The following SH3RF3 variants were observed in gnomAD, a reference collection of about 807,000 sequenced individuals.
The protein encoded by SH3RF3 is SH3 domain containing ring finger 3.
SH3RF3 carries 29 observed loss-of-function variants against 66.3 expected under a neutral mutation model. The ratio of observed to expected loss-of-function variants is 0.44; its 90% CI spans 0.33 to 0.60. SH3RF3 has a LOEUF of 0.60. Ranked by LOEUF, SH3RF3 falls within the 20% of genes least tolerant of loss-of-function variation. SH3RF3 has a pLI of 0.04. For missense variants in SH3RF3, 1,194 were observed against 1,190.9 expected, an observed-to-expected ratio of 1.00 and a Z score of -0.04; for synonymous variants, 583 against 532.0, an observed-to-expected ratio of 1.10 and a Z score of -1.32.
At chr2:109,221,345 G>T (rs148615931) in intron 1 of SH3RF3, among the ~76,000 whole-genome samples, 2 of 152,122 alleles carry the variant, frequency 1.3e-5, no homozygotes, top group Admixed American at 6.6e-5. Flanking sequence ...CATTTTGGGA[G>T]GCTGAGACAG....
At chr2:109,407,597 C>G (rs986208317) in intron 4 of SH3RF3, among the ~76,000 whole-genome samples, 1 of 152,218 alleles carries the variant, frequency 6.6e-6, no homozygotes, top group Non-Finnish European at 1.5e-5. Flanking sequence ...GTGCAAACTC[C>G]GGCTCCAGCT....
At chr2:109,375,928 C>A (rs1205656203) in intron 3 of SH3RF3, among the ~76,000 whole-genome samples, 1 of 152,248 alleles carries the variant, frequency 6.6e-6, no homozygotes, top group Non-Finnish European at 1.5e-5. Context: ...TCCTACATCA[C>A]CTGCACATTG....
At chr2:109,242,593 A>G (rs1032878949) in intron 1 of SH3RF3, among the ~76,000 whole-genome samples, 10 of 152,108 alleles carry the variant, frequency 6.6e-5, no homozygotes, top group African/African-American at 2.4e-4. Flanking sequence ...GCCTAGCCCA[A>G]AGAGACCTCC....
chr2:109,372,094 G>T (rs931006135), intron 3 of SH3RF3, among the ~76,000 whole-genome samples: 4 of 152,252 alleles, frequency 2.6e-5, no homozygotes, highest in Non-Finnish European at 4.4e-5. Flanking sequence ...ACTGCACACG[G>T]ATTGGAAGGA....
At chr2:109,304,405 A>C (rs1681544574) in intron 1 of SH3RF3, among the ~76,000 whole-genome samples, 1 of 152,126 alleles carries the variant, frequency 6.6e-6, no homozygotes, top group Non-Finnish European at 1.5e-5. Flanking sequence ...CCATGTTGTC[A>C]CAAATGACAA....
Position 109,265,756 on chromosome 2 carries a change from AT to A in SH3RF3, c.574-81915del, listed in dbSNP as rs1680474731. 2.0e-5 allele frequency among the ~76,000 whole-genome samples: 3 copies of A among 152,234 alleles called. 1 individual carries two copies. In the South Asian group the frequency reaches 6.2e-4, roughly 31 times the overall value. On this transcript the variant is annotated intron_variant, in intron 1 of 9. Transcript: ENST00000309415. ...GGTTTTTATCAATAAAAAATGTTTA[AT>A]TTAAAAAAAGAGATTGGCACATAAA...
intron 1 of SH3RF3, among the ~76,000 whole-genome samples, chr2:109,169,883 TGGCACCTG>T (rs1553479336): frequency 6.6e-6 from 1 of 152,150 alleles, no homozygotes; most frequent in Non-Finnish European, 1.5e-5. Context: ...TCCCTCCCAC[TGGCACCTG>T]GCATGCATGG....
chr2:109,490,613 G>A lies in SH3RF3; in HGVS notation c.2157G>A (p.Lys719=), dbSNP rs1313312552. The A allele has an allele frequency of 1.4e-6, 2 of 1,447,086 alleles. No individual in the cohort carries two copies. The highest frequency in any genetic ancestry group is 1.8e-6 in the Non-Finnish European group (2 of 1,098,004). 89.6% of individuals were successfully genotyped at this position (1,447,086 alleles called of 1,614,324 possible). Residue 719 remains lysine (K), a synonymous_variant, in exon 9 of 10, where the codon AAG becomes AAA. Coordinates refer to ENST00000309415, the MANE Select transcript of SH3RF3 (RefSeq NM_001099289.3). ...LDEKKSEKKE[K]KSGLLKLLAG... ...CTTGTGTGTCTCCCCAGAAAGAGAAGAAGAGTGGGCTCCTGAAGCTTCTAG... is the reference window on the plus strand; with the variant it reads ...CTTGTGTGTCTCCCCAGAAAGAGAAAAAGAGTGGGCTCCTGAAGCTTCTAG...
intron 4 of SH3RF3, among the ~76,000 whole-genome samples, chr2:109,414,717 A>G: frequency 6.6e-6 from 1 of 152,114 alleles, no homozygotes; most frequent in East Asian, 1.9e-4. Context: ...CTCCAGGCAC[A>G]CCAAACACTG....
At chr2:109,177,665 C>T (rs1486217175) in intron 1 of SH3RF3, among the ~76,000 whole-genome samples, 1 of 152,160 alleles carries the variant, frequency 6.6e-6, no homozygotes, top group African/African-American at 2.4e-5. Context: ...CTAGACCACA[C>T]AGAGATCCTG....
chr2:109,306,057 A>G (rs1389452711), intron 1 of SH3RF3, among the ~76,000 whole-genome samples: 1 of 152,212 alleles, frequency 6.6e-6, no homozygotes, highest in Non-Finnish European at 1.5e-5. Flanking sequence ...TCTTACTGGC[A>G]GCGACAGTGG....
chr2:109,471,907 G>T (rs2104727976), intron 8 of SH3RF3, among the ~76,000 whole-genome samples: 1 of 152,320 alleles, frequency 6.6e-6, no homozygotes, highest in Admixed American at 6.5e-5. Flanking sequence ...TCTCTAGAAG[G>T]CAGGGGCTGT....
At chr2:109,400,837 C>T (rs1024255191) in intron 4 of SH3RF3, among the ~76,000 whole-genome samples, 1 of 152,240 alleles carries the variant, frequency 6.6e-6, no homozygotes, top group Non-Finnish European at 1.5e-5. Flanking sequence ...GATGCTCCCA[C>T]AGCCTGTGCC....
chr2:109,186,011 C>T (rs150431441), intron 1 of SH3RF3, among the ~76,000 whole-genome samples: 55 of 152,300 alleles, frequency 3.6e-4, no homozygotes, highest in East Asian at 3.1e-3. Context: ...TTCTCTGGGC[C>T]GTTTTTATTC....
intron 1 of SH3RF3, among the ~76,000 whole-genome samples, chr2:109,190,749 A>G (rs1354717850): frequency 3.9e-5 from 6 of 152,104 alleles, no homozygotes; most frequent in Admixed American, 3.3e-4. Flanking sequence ...TCCCAGTCAC[A>G]TGACTCACAC....
rs1173016749 is a variant in SH3RF3 at position 109,465,097 on chromosome 2, T to C, written c.2148+15608T>C. ...GTTGTAGCCTTTTTGCATTGGCTTA[T>C]TTTATTTAGTGATGTGCATTTACGT... is the stretch of plus-strand genomic sequence containing the variant. On this transcript the variant is annotated intron_variant, in intron 8 of 9. Transcript: ENST00000309415. Among the ~76,000 whole-genome samples, 3 of 152,248 alleles carry C rather than the reference T, an allele frequency of 2.0e-5. No homozygotes were observed. In the East Asian group the frequency reaches 5.8e-4, roughly 29 times the overall value.
chr2:109,310,014 C>G (rs1243399103), intron 1 of SH3RF3, among the ~76,000 whole-genome samples: 1 of 124,378 alleles, frequency 8.0e-6, no homozygotes, highest in Non-Finnish European at 1.6e-5. Flanking sequence ...ACAGAACTCT[C>G]CACCCCAAAT....
intron 8 of SH3RF3, among the ~76,000 whole-genome samples, chr2:109,480,677 G>C (rs1449264959): frequency 6.6e-6 from 1 of 152,184 alleles, no homozygotes; most frequent in Admixed American, 6.5e-5. Context: ...GGCATGTGGA[G>C]GGGTGGAGCA....
In SH3RF3 at chr2:109,156,753, G is replaced by GT. The variant is rs551958298; in HGVS notation, c.573+26646dup. ...CCACCGTGCCCGGCCTGAATTTTAA[G>GT]TTTTTTAAAAAGGGATGTGAAGGGT... is the stretch of plus-strand genomic sequence containing the variant. On this transcript the variant is annotated intron_variant, in intron 1 of 9. Transcript: ENST00000309415. Among the ~76,000 whole-genome samples the GT allele has an allele frequency of 6.7e-3, 1,014 of 152,200 alleles. 11 individuals are homozygous for GT. Among genetic ancestry groups the GT allele is most frequent in the African/African-American group, 0.023 (949 of 41,530 alleles).
Sources: gnomAD v4.1 joint callset for allele counts (sites outside exome capture counted in the v4.1 genomes callset) on GRCh38, gnomAD v4.1.1 for gene constraint, MANE v1.5 for transcripts, NCBI Gene and HGNC (gene_info 2026-07-23, HGNC 2026-07-21) for gene names.